Variants in RP1 observed in about 807,000 individuals in gnomAD.
The protein encoded by RP1 is oxygen-regulated protein 1.
RP1 carries 16 observed loss-of-function variants against 14.8 expected under a neutral mutation model. That is an observed-to-expected ratio of 1.08 (90% CI 0.73 to 1.65). The LOEUF (loss-of-function observed/expected upper bound fraction) is 1.65. Ranked by LOEUF, RP1 falls within the 40% of genes most tolerant of loss-of-function variation. The probability of loss-of-function intolerance (pLI) is 0.00; values close to 1 mark genes in which losing one functional copy is unlikely to be tolerated. For synonymous variants in RP1, 876 were observed against 883.6 expected (o/e 0.99, Z 0.15); for missense variants, 2,631 against 2,535.0 (o/e 1.04, Z -0.81).
intron 22 of RP1, among the ~76,000 whole-genome samples, chr8:54,760,944 T>C (rs1164803943): frequency 6.6e-6 from 1 of 152,142 alleles, no homozygotes; most frequent in African/African-American, 2.4e-5. Flanking sequence ...GAGTAACACA[T>C]AGCACTGAAG....
chr8:54,789,034 G>C (rs1441262477), intron 24 of RP1, among the ~76,000 whole-genome samples: 1 of 152,170 alleles, frequency 6.6e-6, no homozygotes, highest in East Asian at 1.9e-4. Flanking sequence ...CCAAAATTTT[G>C]GGGTGCTTCA....
intron 13 of RP1, among the ~76,000 whole-genome samples, chr8:54,701,185 GAAAATGAAAA>G (rs1808006475): frequency 6.6e-6 from 1 of 151,396 alleles, no homozygotes; most frequent in Non-Finnish European, 1.5e-5. Context: ...ACACAAATGA[GAAAATGAAAA>G]AAAATGATAA....
intron 1 of RP1, among the ~76,000 whole-genome samples, chr8:54,579,045 A>G (rs1804722589): frequency 6.6e-6 from 1 of 152,184 alleles, no homozygotes; most frequent in Non-Finnish European, 1.5e-5. Context: ...CCAATGCTTC[A>G]CTTGTAAGGT....
chr8:54,734,514 G>T (rs1808868176), intron 17 of RP1: 4 of 1,513,114 alleles, frequency 2.6e-6, no homozygotes, highest in South Asian at 1.2e-5. Context: ...TGTTATATCT[G>T]ATCTGCCACT....
chr8:54,721,877 T>C (rs2129350945), intron 16 of RP1, among the ~76,000 whole-genome samples: 1 of 152,316 alleles, frequency 6.6e-6, no homozygotes, highest in East Asian at 1.9e-4. Flanking sequence ...AAGAAGAGCA[T>C]TCCATTGGGA....
chr8:54,859,265 G>T (rs1812283482), intron 27 of RP1, among the ~76,000 whole-genome samples: 1 of 151,668 alleles, frequency 6.6e-6, no homozygotes, highest in African/African-American at 2.4e-5. Flanking sequence ...ACTACAGAGT[G>T]ATATCACTAT....
chr8:54,780,310 C>T (rs1300344632), intron 23 of RP1, among the ~76,000 whole-genome samples: 13 of 152,236 alleles, frequency 8.5e-5, no homozygotes, highest in Non-Finnish European at 5.9e-5. Context: ...GGGAAGAATG[C>T]TTGTCCTCTG....
intron 12 of RP1, among the ~76,000 whole-genome samples, chr8:54,684,941 G>A (rs1807523172): frequency 6.6e-6 from 1 of 152,130 alleles, no homozygotes; most frequent in Non-Finnish European, 1.5e-5. Context: ...CTGAACATGA[G>A]AACACATGGA....
intron 24 of RP1, among the ~76,000 whole-genome samples, chr8:54,828,444 C>T (rs1374229394): frequency 6.6e-6 from 1 of 152,050 alleles, no homozygotes; most frequent in Non-Finnish European, 1.5e-5. Context: ...ACCTTGACAC[C>T]TTCCCCCTCT....
chr8:54,623,777 G>T (rs1384573287), intron 3 of RP1, among the ~76,000 whole-genome samples: 3 of 152,182 alleles, frequency 2.0e-5, no homozygotes, highest in African/African-American at 7.2e-5. Flanking sequence ...GATTAATTCA[G>T]TCTGAATCAT....
chr8:54,652,606 T>A (rs1167143407), intron 4 of RP1, among the ~76,000 whole-genome samples: 2 of 152,180 alleles, frequency 1.3e-5, no homozygotes, highest in Non-Finnish European at 2.9e-5. Flanking sequence ...TTCAGTTCTG[T>A]TAAATTTTGC....
chr8:54,661,716 C>T (rs1278286434), intron 6 of RP1, among the ~76,000 whole-genome samples: 6 of 152,086 alleles, frequency 3.9e-5, no homozygotes, highest in Admixed American at 3.3e-4. Flanking sequence ...ATCTTTTTCT[C>T]TTCTTCTGGT....
chr8:54,863,991 A>C (rs1412268835), intron 27 of RP1, among the ~76,000 whole-genome samples: 1 of 152,234 alleles, frequency 6.6e-6, no homozygotes, highest in Non-Finnish European at 1.5e-5. Context: ...TCCATGTGAC[A>C]GTTCATAACA....
At position 54,669,771 on chromosome 8, in the gene RP1, A is replaced by C. The variant is rs1030780717; in HGVS notation, c.1324-4079A>C. On this transcript the variant is annotated intron_variant, in intron 7 of 22. Transcript: ENST00000636932. ...AAACCATCATTCTGAGCAAACTATC[A>C]CAAGGACAGAAAACCAAACACCGCA... Among the ~76,000 whole-genome samples the C allele has an allele frequency of 7.9e-5, 12 of 152,038 alleles. No individual in the cohort carries two copies. The East Asian group carries it at 2.3e-3, about 29-fold the overall frequency.
intron 19 of RP1, among the ~76,000 whole-genome samples, chr8:54,747,704 C>A (rs1463618935): frequency 6.6e-6 from 1 of 152,210 alleles, no homozygotes; most frequent in Admixed American, 6.5e-5. Context: ...AGTTCAACAC[C>A]AGCCTGGGCA....
intron 24 of RP1, among the ~76,000 whole-genome samples, chr8:54,792,879 A>G (rs1300205975): frequency 6.6e-6 from 1 of 151,876 alleles, no homozygotes; most frequent in Non-Finnish European, 1.5e-5. Flanking sequence ...TAGAAGAACA[A>G]TAGAAAAGAT....
exon 13 of RP1, chr8:54,699,557 T>C: frequency 7.2e-7 from 1 of 1,385,126 alleles, no homozygotes; most frequent in Non-Finnish European, 9.5e-7. Flanking sequence ...GACAATGGCA[T>C]TGTCACTGGA....
Position 54,621,552 on chromosome 8 carries a change from G to C in RP1, c.586G>C (p.Val196Leu). ...HLTEVMQRPV[V>L]KLYATDGRRV... Reference sequence around the variant, plus strand: ...GACAGAGGTCATGCAGCGCCCTGTGGTCAAGCTGTACGCTACGGACGGAAG... The same window carrying C: ...GACAGAGGTCATGCAGCGCCCTGTGCTCAAGCTGTACGCTACGGACGGAAG... The change falls in exon 2 of 4, where the codon GTC (valine) becomes CTC (leucine). Residue 196 changes from valine (V) to leucine (L), a missense_variant. Transcript: ENST00000220676. The C allele has an allele frequency of 6.2e-7, 1 of 1,614,208 alleles. No individual in the cohort carries two copies. Among genetic ancestry groups the C allele is most frequent in the Non-Finnish European group, 8.5e-7 (1 of 1,180,034 alleles).
intron 19 of RP1, among the ~76,000 whole-genome samples, chr8:54,750,888 A>T (rs1030082793): frequency 1.3e-5 from 2 of 152,208 alleles, no homozygotes; most frequent in Non-Finnish European, 2.9e-5. Context: ...GGGCATTCTG[A>T]TAGGACAGAA....
Sources: allele counts gnomAD v4.1 joint callset (sites outside exome capture counted in the v4.1 genomes callset), GRCh38; gene constraint gnomAD v4.1.1; transcripts MANE v1.5; gene names NCBI Gene and HGNC (gene_info 2026-07-23, HGNC 2026-07-21).